Variants in FGF12 observed in about 807,000 individuals in gnomAD.
The protein encoded by FGF12 is fibroblast growth factor 12B.
In FGF12, 14 loss-of-function variants were observed where a neutral mutation model predicts 23.6. That is an observed-to-expected ratio of 0.59 (90% CI 0.39 to 0.93). The LOEUF (loss-of-function observed/expected upper bound fraction) is 0.93, where lower values mean the gene tolerates loss of function less well. Ranked by LOEUF, FGF12 falls within the 40% of genes least tolerant of loss-of-function variation. The pLI is 0.00. For missense variants in FGF12, 175 were observed against 217.8 expected (o/e 0.80, Z 1.24); for synonymous variants, 62 against 77.3 (o/e 0.80, Z 1.04).
chr3:192,613,052 A>G (rs879833842), intron 2 of FGF12, among the ~76,000 whole-genome samples: 3 of 151,660 alleles, frequency 2.0e-5, no homozygotes, highest in African/African-American at 7.3e-5. Flanking sequence ...TGGTGGGAAG[A>G]TCTGTAGGCA....
rs1239315310 is a variant in FGF12 at position 192,489,933 on chromosome 3, CAT to C, written c.14-129397_14-129396del. Among the ~76,000 whole-genome samples the C allele has an allele frequency of 3.9e-5, 6 of 152,014 alleles. No individual in the cohort carries two copies. In the South Asian group the frequency reaches 1.2e-3, roughly 31 times the overall value. ...ATCTGTACAACAAACCCCCATGACA[CAT>C]GTTTATCTATTTAACAAACCTACAC... On this transcript the variant is annotated intron_variant, in intron 2 of 5. Transcript: ENST00000445105.
chr3:192,596,884 AT>A (rs1713880721), intron 2 of FGF12, among the ~76,000 whole-genome samples: 1 of 152,202 alleles, frequency 6.6e-6, no homozygotes, highest in African/African-American at 2.4e-5. Flanking sequence ...ACTTTCTGGA[AT>A]TTAAAACTTT....
intron 2 of FGF12, among the ~76,000 whole-genome samples, chr3:192,475,369 G>A (rs538993364): frequency 2.0e-5 from 3 of 152,218 alleles, no homozygotes; most frequent in South Asian, 4.1e-4. Flanking sequence ...ATCTATAAAC[G>A]GAATGACTGG....
intron 2 of FGF12, among the ~76,000 whole-genome samples, chr3:192,638,203 G>T (rs1285463269): frequency 6.6e-6 from 1 of 152,140 alleles, no homozygotes; most frequent in Non-Finnish European, 1.5e-5. Flanking sequence ...AAACTATAAT[G>T]CTGACCAACA....
intron 4 of FGF12, among the ~76,000 whole-genome samples, chr3:192,176,926 G>A (rs184197667): frequency 7.2e-5 from 11 of 152,086 alleles, no homozygotes; most frequent in East Asian, 3.9e-4. Context: ...ATTCCACACC[G>A]TTATATTATA....
intron 4 of FGF12, among the ~76,000 whole-genome samples, chr3:192,302,844 C>T (rs1415021965): frequency 6.6e-6 from 1 of 152,140 alleles, no homozygotes; most frequent in Non-Finnish European, 1.5e-5. Context: ...AAGAACATTC[C>T]AGGCAGACAG....
At chr3:192,618,471 G>T (rs1714848275) in intron 2 of FGF12, among the ~76,000 whole-genome samples, 2 of 152,030 alleles carry the variant, frequency 1.3e-5, no homozygotes, top group South Asian at 4.2e-4. Flanking sequence ...AAAGAAGGAA[G>T]GAAGGAAGGG....
chr3:192,533,773 A>G (rs568854989), intron 2 of FGF12, among the ~76,000 whole-genome samples: 5 of 152,332 alleles, frequency 3.3e-5, no homozygotes, highest in South Asian at 4.1e-4. Flanking sequence ...GTCTGCATGC[A>G]TATCTCTCTC....
chr3:192,648,414 G>C (rs1391617246), intron 2 of FGF12, among the ~76,000 whole-genome samples: 1 of 151,612 alleles, frequency 6.6e-6, no homozygotes, highest in Non-Finnish European at 1.5e-5. Flanking sequence ...TACACAAAAT[G>C]ATTGTCTCCC....
At position 192,485,169 on chromosome 3, in the gene FGF12, TTATC is replaced by T. The variant is rs543829497; in HGVS notation, c.14-124635_14-124632del. Among the ~76,000 whole-genome samples the T allele has an allele frequency of 3.3e-3, 496 of 152,224 alleles. 2 individuals carry two copies. The highest frequency in any genetic ancestry group is 0.011 in the African/African-American group (460 of 41,486). On this transcript the variant is annotated intron_variant, in intron 2 of 5. Coordinates refer to ENST00000445105, the MANE Select transcript of FGF12 (RefSeq NM_004113.6). ...GGTGTGCATGTGTGCATAAGTATGT[TTATC>T]TATTATTTAGAAGTAGACATATTCT...
chr3:192,585,127 G>A (rs1713321521), intron 2 of FGF12, among the ~76,000 whole-genome samples: 1 of 152,072 alleles, frequency 6.6e-6, no homozygotes, highest in Non-Finnish European at 1.5e-5. Flanking sequence ...AATAGCATAG[G>A]TGAATTCAAT....
chr3:192,621,408 A>G (rs902170334), intron 2 of FGF12, among the ~76,000 whole-genome samples: 4 of 152,160 alleles, frequency 2.6e-5, no homozygotes, highest in Non-Finnish European at 5.9e-5. Context: ...ATACCAGAAA[A>G]AGCATGGGCT....
intron 2 of FGF12, among the ~76,000 whole-genome samples, chr3:192,556,336 A>G (rs1711774628): frequency 1.3e-5 from 2 of 152,232 alleles, no homozygotes; most frequent in South Asian, 4.1e-4. Context: ...AAGATTTTCC[A>G]TGCAAATGAT....
chr3:192,335,222 A>G, intron 4 of FGF12, 139 bp downstream of exon 4: 1 of 623,726 alleles, frequency 1.6e-6, no homozygotes, highest in South Asian at 2.1e-5. Context: ...CAAAACCTCA[A>G]AATAATCCCG....
intron 5 of FGF12, among the ~76,000 whole-genome samples, chr3:192,147,192 GC>G (rs1401889400): frequency 6.6e-6 from 1 of 152,150 alleles, no homozygotes; most frequent in African/African-American, 2.4e-5. Context: ...CTTGGTCAAA[GC>G]AATAGATTAA....
At position 192,380,085 on chromosome 3, in the gene FGF12, C is replaced by T. The variant is rs115885224; in HGVS notation, c.14-19547G>A. Among the ~76,000 whole-genome samples, 1,050 of 152,218 alleles carry T rather than the reference C, an allele frequency of 6.9e-3. 18 individuals carry two copies. Among genetic ancestry groups the T allele is most frequent in the Non-Finnish European group, 7.7e-3 (522 of 68,004 alleles). ...TTAATAACAATATTTAAATTAAAGGCTATGCCAGAAATCTCTAAGAACACT... is the reference window on the plus strand; with the variant it reads ...TTAATAACAATATTTAAATTAAAGGTTATGCCAGAAATCTCTAAGAACACT... On this transcript the variant is annotated intron_variant, in intron 2 of 5. Transcript: ENST00000445105.
intron 2 of FGF12, among the ~76,000 whole-genome samples, chr3:192,617,410 C>CA (rs1244027478): frequency 6.6e-6 from 1 of 151,980 alleles, no homozygotes; most frequent in African/African-American, 2.4e-5. Flanking sequence ...TAGGACACTA[C>CA]AAAGTGATAA....
intron 2 of FGF12, among the ~76,000 whole-genome samples, chr3:192,612,862 C>T (rs1310930825): frequency 6.6e-6 from 1 of 151,876 alleles, no homozygotes; most frequent in Non-Finnish European, 1.5e-5. Context: ...AAGAAACATG[C>T]TCCTTGCCCA....
At chr3:192,683,325 C>T (rs1200100042) in intron 2 of FGF12, among the ~76,000 whole-genome samples, 1 of 152,162 alleles carries the variant, frequency 6.6e-6, no homozygotes, top group Non-Finnish European at 1.5e-5. Context: ...TACAATATAC[C>T]TACTAGACAA....
Sources: allele counts gnomAD v4.1 joint callset (sites outside exome capture counted in the v4.1 genomes callset), GRCh38; gene constraint gnomAD v4.1.1; transcripts MANE v1.5; gene names NCBI Gene and HGNC (gene_info 2026-07-23, HGNC 2026-07-21).